APBB2: variants seen among roughly 807,000 people sequenced by gnomAD.
The protein encoded by APBB2 is Fe65-like 1.
A neutral mutation model predicts 82.5 loss-of-function variants in APBB2; 38 were observed. That is an observed-to-expected ratio of 0.46 (90% confidence interval 0.36 to 0.60). The LOEUF is 0.60. Among genes scored for constraint, APBB2 ranks in the 20% least tolerant of loss-of-function variants. APBB2 has a pLI of 0.00. For missense variants in APBB2, 772 were observed against 972.3 expected (o/e 0.79, Z 2.74); for synonymous variants, 341 against 368.2 (o/e 0.93, Z 0.85).
intron 3 of APBB2, among the ~76,000 whole-genome samples, chr4:41,069,480 G>A (rs773720353): frequency 6.6e-5 from 10 of 152,278 alleles, no homozygotes; most frequent in Non-Finnish European, 1.3e-4. Context: ...AAAACTCTAA[G>A]ACTGCTCTGC....
intron 1 of APBB2, chr4:41,193,669 G>C: frequency 6.0e-6 from 3 of 500,110 alleles, no homozygotes; most frequent in Non-Finnish European, 7.8e-6. Context: ...GTTGGATACA[G>C]AACCACCACT....
At chr4:41,016,070 C>T (rs981789134) in intron 5 of APBB2, among the ~76,000 whole-genome samples, 2 of 152,112 alleles carry the variant, frequency 1.3e-5, no homozygotes, top group Non-Finnish European at 2.9e-5. Context: ...GAAGTTTTCC[C>T]TGAGACACAT....
chr4:41,040,903 T>C (rs1007077353), intron 4 of APBB2, among the ~76,000 whole-genome samples: 9 of 152,240 alleles, frequency 5.9e-5, no homozygotes, highest in Non-Finnish European at 8.8e-5. Flanking sequence ...TTTTTTGAGA[T>C]GGAGTCTCGC....
intron 1 of APBB2, among the ~76,000 whole-genome samples, chr4:41,160,035 G>GA (rs961401099): frequency 1.4e-5 from 2 of 145,574 alleles, no homozygotes; most frequent in African/African-American, 5.5e-5. Flanking sequence ...AGAAGAAGAA[G>GA]AAAACATCAC....
intron 5 of APBB2, among the ~76,000 whole-genome samples, chr4:41,027,439 G>A (rs1196908937): frequency 4.1e-5 from 6 of 144,972 alleles, no homozygotes; most frequent in African/African-American, 1.5e-4. Context: ...GTAGTACAAA[G>A]CCACTGTACC....
chr4:40,876,319 T>C (rs1366008616), intron 12 of APBB2, among the ~76,000 whole-genome samples: 1 of 152,242 alleles, frequency 6.6e-6, no homozygotes, highest in African/African-American at 2.4e-5. Context: ...TGAGTATATC[T>C]GTAACTCTCA....
intron 1 of APBB2, among the ~76,000 whole-genome samples, chr4:41,174,097 C>G (rs2154056078): frequency 6.6e-6 from 1 of 152,290 alleles, no homozygotes; most frequent in East Asian, 1.9e-4. Flanking sequence ...GACTGAAACA[C>G]CGAAGCTGAT....
chr4:40,821,937 C>G lies in APBB2; in HGVS notation c.2046G>C (p.Glu682Asp). The change falls in exon 17 of 18, where the codon GAG becomes GAC. Residue 682 changes from glutamate to aspartate, a missense_variant. Physicochemically the swap from Glu to Asp is conservative, Grantham distance 45. Coordinates refer to ENST00000508593, the MANE Select transcript of APBB2 (RefSeq NM_004307.2). The part of the protein sequence containing the change: ...FIMDTGNQRF[E>D]CHVFWCEPNA... ...TAGGCTCGCACCAGAAAACGTGGCA[C>G]TCAAAGCGCTGGTTCCCCGTGTCCA... The G allele has an allele frequency of 6.2e-7, 1 of 1,614,174 alleles. No individual in the cohort carries two copies. The highest frequency in any genetic ancestry group is 1.1e-5 in the South Asian group (1 of 91,078).
chr4:41,038,213 G>GATAAATAAATAAATAAATAA (rs5857768), intron 4 of APBB2, among the ~76,000 whole-genome samples: 2 of 149,988 alleles, frequency 1.3e-5, no homozygotes, highest in Non-Finnish European at 3.0e-5. Flanking sequence ...TAAGCAAACA[G>GATAAATAAATAAATAAATAA]ATAAATAAAT....
intron 12 of APBB2, among the ~76,000 whole-genome samples, chr4:40,843,594 A>C (rs924213531): frequency 6.6e-6 from 1 of 152,250 alleles, no homozygotes; most frequent in Non-Finnish European, 1.5e-5. Flanking sequence ...TCTCTTTGAA[A>C]ATTATACAAT....
At chr4:40,841,955 C>T (rs1755951248) in intron 12 of APBB2, among the ~76,000 whole-genome samples, 1 of 152,352 alleles carries the variant, frequency 6.6e-6, no homozygotes, top group Admixed American at 6.5e-5. Context: ...GTTAGGATTA[C>T]AGGCGTGAGC....
intron 10 of APBB2, among the ~76,000 whole-genome samples, chr4:40,927,433 G>T (rs1018569272): frequency 6.6e-6 from 1 of 152,156 alleles, no homozygotes; most frequent in African/African-American, 2.4e-5. Flanking sequence ...CATTAGATGG[G>T]CTCTAATGTT....
intron 10 of APBB2, among the ~76,000 whole-genome samples, chr4:40,927,126 A>ACATT (rs1302273498): frequency 1.3e-5 from 2 of 151,628 alleles, no homozygotes; most frequent in Non-Finnish European, 2.9e-5. Context: ...ATTTGATGAC[A>ACATT]CATTCATTTG....
At chr4:40,886,337 G>A (rs10015549) in intron 12 of APBB2, among the ~76,000 whole-genome samples, 27,207 of 152,060 alleles carry the variant, frequency 0.18, 2,765 homozygotes, top group Admixed American at 0.25. Flanking sequence ...AAAATTGGCC[G>A]GGCGTGGTGG....
chr4:40,844,455 C>T (rs1316521540), intron 12 of APBB2, among the ~76,000 whole-genome samples: 4 of 152,182 alleles, frequency 2.6e-5, no homozygotes, highest in Admixed American at 2.6e-4. Context: ...CTGTGTCATC[C>T]AATAGCTTCA....
At chr4:41,213,081 C>T (rs1261403829) in intron 1 of APBB2, among the ~76,000 whole-genome samples, 1 of 120,432 alleles carries the variant, frequency 8.3e-6, no homozygotes. Flanking sequence ...GAAACCATGA[C>T]AAGAAAAAAA....
At chr4:40,881,534 CT>C (rs71198611) in intron 12 of APBB2, 1,840 of 145,812 alleles carry the variant, frequency 0.013, no homozygotes, top group Non-Finnish European at 0.02. Context: ...TTTTCTTTTT[CT>C]TTTTTTTTTT....
chr4:41,168,411 G>A (rs1298050225), intron 1 of APBB2, among the ~76,000 whole-genome samples: 1 of 150,908 alleles, frequency 6.6e-6, no homozygotes, highest in Middle Eastern at 3.4e-3. Flanking sequence ...AAAGAGTCTC[G>A]CTCTGTCACC....
chr4:40,904,537 G>C (rs892243430), intron 10 of APBB2, among the ~76,000 whole-genome samples: 39 of 151,864 alleles, frequency 2.6e-4, no homozygotes, highest in Non-Finnish European at 1.5e-5. Flanking sequence ...CAAAAAACAG[G>C]CAAGCTTTTC....
Sources: allele counts gnomAD v4.1 joint callset (sites outside exome capture counted in the v4.1 genomes callset), GRCh38; gene constraint gnomAD v4.1.1; transcripts MANE v1.5; gene names NCBI Gene and HGNC (gene_info 2026-07-23, HGNC 2026-07-21).